The following DGUOK variants were observed in gnomAD, a reference collection of about 807,000 sequenced individuals.
DGUOK encodes the protein deoxyguanosine kinase.
DGUOK carries 30 observed loss-of-function variants against 36.6 expected under a neutral mutation model. That is an observed-to-expected ratio of 0.82 (90% CI 0.61 to 1.11). The LOEUF (loss-of-function observed/expected upper bound fraction) is 1.11, where lower values mean the gene tolerates loss of function less well. Ranked by LOEUF, DGUOK falls within the 50% of genes most tolerant of loss-of-function variation. The pLI is 0.00. For synonymous variants in DGUOK, 145 were observed against 126.3 expected (o/e 1.15, Z -0.99); for missense variants, 361 against 336.4 (o/e 1.07, Z -0.57).
intron 4 of DGUOK, among the ~76,000 whole-genome samples, chr2:73,951,174 C>CT (rs1312124784): frequency 6.6e-6 from 1 of 152,052 alleles, no homozygotes; most frequent in Non-Finnish European, 1.5e-5. Flanking sequence ...ATTTATAGCC[C>CT]TTTTTTGAAC....
intron 1 of DGUOK, among the ~76,000 whole-genome samples, chr2:73,937,118 G>T (rs1681527638): frequency 6.6e-6 from 1 of 152,242 alleles, no homozygotes; most frequent in African/African-American, 2.4e-5. Flanking sequence ...ACAGGGATCA[G>T]ATCTTCTTGT....
intron 5 of DGUOK, 60 bp downstream of exon 5, chr2:73,957,300 TA>T: frequency 1.5e-6 from 2 of 1,304,286 alleles, no homozygotes; most frequent in Middle Eastern, 1.8e-4. Context: ...AGCCAGTTGT[TA>T]AAAACAAGTT....
intron 1 of DGUOK, among the ~76,000 whole-genome samples, chr2:73,938,190 C>A (rs1470913039): frequency 1.3e-5 from 2 of 152,130 alleles, no homozygotes; most frequent in African/African-American, 4.8e-5. Flanking sequence ...GTGTCAAGTT[C>A]TTTCTCTCTT....
chr2:73,946,630 G>T, intron 2 of DGUOK, 89 bp from the exon 3 acceptor site: 1 of 1,163,866 alleles, frequency 8.6e-7, no homozygotes, highest in East Asian at 2.4e-5. Flanking sequence ...AAACCTGTTT[G>T]GGGAGGTAGG....
At chr2:73,927,559 C>T in intron 1 of DGUOK, among the ~76,000 whole-genome samples, 1 of 152,128 alleles carries the variant, frequency 6.6e-6, no homozygotes, top group East Asian at 1.9e-4. Context: ...ATCTGGCAAC[C>T]CTATTCGAAG....
At chr2:73,940,086 G>C (rs183741142) in intron 2 of DGUOK, among the ~76,000 whole-genome samples, 6 of 152,192 alleles carry the variant, frequency 3.9e-5, no homozygotes, top group Admixed American at 3.3e-4. Flanking sequence ...ATCTTTAGTA[G>C]AGACAGGGTT....
In DGUOK at chr2:73,939,480, A is replaced by G. The variant is rs116981969; in HGVS notation, c.255+458A>G. On this transcript the variant is annotated intron_variant, in intron 2 of 6. Coordinates refer to ENST00000264093, the MANE Select transcript of DGUOK (RefSeq NM_080916.3). Reference sequence around the variant, plus strand: ...GAGGTTACAGCTAACATTTATGAGCATGTACTATGTGCCAGGCACTGTACT... The same window carrying G: ...GAGGTTACAGCTAACATTTATGAGCGTGTACTATGTGCCAGGCACTGTACT... Among the ~76,000 whole-genome samples, 147 of 152,382 alleles carry G rather than the reference A, an allele frequency of 9.6e-4. 2 individuals carry two copies. In the East Asian group the frequency reaches 0.027, roughly 28 times the overall value.
chr2:73,946,070 A>AAAAAG lies in DGUOK; in HGVS notation c.256-647_256-646insAAGAA, dbSNP rs56231941. Among the ~76,000 whole-genome samples, 112 of 142,972 alleles carry AAAAAG rather than the reference A, an allele frequency of 7.8e-4. 3 individuals carry two copies. The highest frequency in any genetic ancestry group is 2.1e-3 in the African/African-American group (81 of 38,194). 93.8% of individuals were successfully genotyped at this position (142,972 alleles called of 152,430 possible). A position where few individuals can be genotyped will look rare whatever the true frequency, so the allele number is the denominator to read the frequency against. ...ACTCTGTCTCAAAAAAAAAAAAAAA[A>AAAAAG]AATCCGGGGCTGCTGAACATCCCAC... On this transcript the variant is annotated intron_variant, in intron 2 of 6. Coordinates refer to ENST00000264093, the MANE Select transcript of DGUOK (RefSeq NM_080916.3).
intron 1 of DGUOK, among the ~76,000 whole-genome samples, chr2:73,933,928 C>G (rs1305327569): frequency 6.6e-6 from 1 of 151,946 alleles, no homozygotes; most frequent in African/African-American, 2.4e-5. Context: ...TTTGGAAGGA[C>G]TTTTTAAAAA....
intron 2 of DGUOK, among the ~76,000 whole-genome samples, chr2:73,941,252 C>T (rs905510465): frequency 6.6e-6 from 1 of 152,168 alleles, no homozygotes; most frequent in Admixed American, 6.5e-5. Context: ...ACAACTGTAG[C>T]CTCAGCCAAC....
intron 1 of DGUOK, among the ~76,000 whole-genome samples, chr2:73,934,889 A>G (rs886228152): frequency 1.3e-5 from 2 of 152,328 alleles, no homozygotes; most frequent in East Asian, 3.9e-4. Context: ...CCTGGGCAAC[A>G]TGGTGAAACC....
At chr2:73,950,201 A>G (rs530898696) in intron 3 of DGUOK, among the ~76,000 whole-genome samples, 3 of 152,264 alleles carry the variant, frequency 2.0e-5, no homozygotes, top group East Asian at 1.9e-4. Flanking sequence ...GGGCCTTGCT[A>G]TAATAATAAT....
chr2:73,935,461 A>G (rs184841239), intron 1 of DGUOK, among the ~76,000 whole-genome samples: 192 of 152,068 alleles, frequency 1.3e-3, no homozygotes, highest in Middle Eastern at 3.4e-3. Flanking sequence ...CAAACAAACA[A>G]CACCCCAGCA....
chr2:73,953,476 T>G (rs1007044952), intron 4 of DGUOK, among the ~76,000 whole-genome samples: 2 of 152,062 alleles, frequency 1.3e-5, no homozygotes, highest in African/African-American at 4.8e-5. Context: ...TTTGATGGCA[T>G]TAGTTCCAGA....
At chr2:73,949,019 T>C (rs2104955097) in intron 3 of DGUOK, among the ~76,000 whole-genome samples, 1 of 152,338 alleles carries the variant, frequency 6.6e-6, no homozygotes, top group South Asian at 2.1e-4. Flanking sequence ...TGGTGTAATC[T>C]TGGCTCACTG....
At position 73,953,528 on chromosome 2, in the gene DGUOK, A is replaced by T. The variant is rs538335866; in HGVS notation, c.591+2796A>T. 1.5e-3 allele frequency among the ~76,000 whole-genome samples: 222 copies of T among 151,988 alleles called. 2 individuals carry two copies. The highest frequency in any genetic ancestry group is 5.2e-3 in the African/African-American group (215 of 41,420). The stretch of plus-strand genomic sequence containing the variant: ...TGTTTCTTCCCTGAAGTCACACTTG[A>T]CCTCTTCTGTGAAATTCAGAGGTAA... On this transcript the variant is annotated intron_variant, in intron 4 of 6. Transcript: ENST00000264093.
At position 73,958,662 on chromosome 2, in the gene DGUOK, T is replaced by G. The variant is rs1382451411; in HGVS notation, c.808-48T>G. 5.8e-6 allele frequency: 9 copies of G among 1,555,496 alleles called. No individual in the cohort carries two copies. In the South Asian group the frequency reaches 1.0e-4, roughly 17 times the overall value. On this transcript the variant is annotated intron_variant, in intron 6 of 6. Transcript: ENST00000264093. ...TGCATTGGGGGTGGACCATTGAAAA[T>G]TCTGTTAAAAATGTGAAATTAAACT...
At chr2:73,953,576 A>C (rs969714547) in intron 4 of DGUOK, among the ~76,000 whole-genome samples, 3 of 152,114 alleles carry the variant, frequency 2.0e-5, no homozygotes, top group Non-Finnish European at 4.4e-5. Flanking sequence ...GAAGAGCAGA[A>C]TAGAAGTTGT....
intron 3 of DGUOK, 46 bp from the exon 4 acceptor site, chr2:73,950,539 T>G (rs758317393): frequency 6.2e-7 from 1 of 1,607,252 alleles, no homozygotes; most frequent in Non-Finnish European, 8.5e-7. Flanking sequence ...TTTCATTCCA[T>G]TTCCCATTCT....
Sources: gnomAD v4.1 joint callset for allele counts (sites outside exome capture counted in the v4.1 genomes callset) on GRCh38, gnomAD v4.1.1 for gene constraint, MANE v1.5 for transcripts, NCBI Gene and HGNC (gene_info 2026-07-23, HGNC 2026-07-21) for gene names.